Variants in SMPD3 observed in about 807,000 individuals in gnomAD.
SMPD3 encodes the protein nSMase-2.
Under a neutral mutation model 55.7 loss-of-function variants are expected in SMPD3, and 21 were observed. The observed-to-expected ratio is 0.38, with a 90% CI of 0.27 to 0.54. The LOEUF (loss-of-function observed/expected upper bound fraction) is 0.54, where lower values mean the gene tolerates loss of function less well. SMPD3 is among the 20% of genes least tolerant of loss of function. SMPD3 has a pLI of 0.80. For synonymous variants in SMPD3, 457 were observed against 404.3 expected (o/e 1.13, Z -1.56); for missense variants, 842 against 899.6 (o/e 0.94, Z 0.82).
chr16:68,428,059 A>G (rs1246947216), intron 1 of SMPD3, among the ~76,000 whole-genome samples: 1 of 151,668 alleles, frequency 6.6e-6, no homozygotes, highest in Non-Finnish European at 1.5e-5. Context: ...CCCATGAGCT[A>G]TGTCCACCTT....
Position 68,371,521 on chromosome 16 carries a change from C to A in SMPD3, c.661G>T (p.Gly221Cys), listed in dbSNP as rs747141024. ...GCTGGGCCGTTGGCAGCCTCGTCAC[C>A]GGGGTGCCGCCCACCGTCACCCTTG... ...EYKGDGGRHP[G>C]DEAANGPASG... is the part of the protein sequence containing the mutation. The change falls in exon 3 of 9, where the codon GGT becomes TGT. Residue 221 changes from glycine (G) to cysteine (C), a missense_variant. Physicochemically the swap from Gly to Cys is radical, Grantham distance 159 (BLOSUM62 -3). Coordinates refer to ENST00000219334, the MANE Select transcript of SMPD3 (RefSeq NM_018667.4). 8 of 1,600,168 alleles carry A rather than the reference C, an allele frequency of 5.0e-6. No homozygotes were observed. The Admixed American group carries it at 1.2e-4, about 23-fold the overall frequency.
At chr16:68,430,641 G>A (rs1297574773) in intron 1 of SMPD3, among the ~76,000 whole-genome samples, 7 of 152,048 alleles carry the variant, frequency 4.6e-5, no homozygotes. Flanking sequence ...CCCTCCCCCT[G>A]CCCCATCACC....
intron 1 of SMPD3, among the ~76,000 whole-genome samples, chr16:68,391,371 G>C (rs944165024): frequency 6.6e-6 from 1 of 152,184 alleles, no homozygotes; most frequent in South Asian, 2.1e-4. Context: ...TTGTGGACCT[G>C]ACATCCTTTC....
intron 2 of SMPD3, among the ~76,000 whole-genome samples, chr16:68,380,987 G>A (rs2089939295): frequency 6.6e-6 from 1 of 152,240 alleles, no homozygotes; most frequent in Non-Finnish European, 1.5e-5. Flanking sequence ...ACATTCTTCG[G>A]AAGGGAATCA....
At chr16:68,406,160 C>A (rs1320219104) in intron 1 of SMPD3, among the ~76,000 whole-genome samples, 1 of 152,146 alleles carries the variant, frequency 6.6e-6, no homozygotes, top group Non-Finnish European at 1.5e-5. Flanking sequence ...TACCCAGAAA[C>A]AATGAGGCGT....
chr16:68,399,348 C>T (rs754709940), intron 1 of SMPD3, among the ~76,000 whole-genome samples: 2 of 152,162 alleles, frequency 1.3e-5, no homozygotes, highest in Non-Finnish European at 2.9e-5. Flanking sequence ...ACCTTCTTAC[C>T]CCCACTGCCC....
chr16:68,392,835 G>GAAAA lies in SMPD3; in HGVS notation c.-268-6180_-268-6177dup, dbSNP rs60841057. On this transcript the variant is annotated intron_variant, in intron 1 of 8. Transcript: ENST00000219334. ...CGTGACAGAATGAGACGCTGTCTGG[G>GAAAA]AAAAAAAAAAAAAAAAAAAAGATGC... Among the ~76,000 whole-genome samples the GAAAA allele has an allele frequency of 8.8e-4, 78 of 88,260 alleles. 21 individuals carry two copies. The highest frequency in any genetic ancestry group is 1.3e-3 in the Admixed American group (9 of 6,686). The allele number at this position is 88,260 out of a possible 152,430, so 57.9% of individuals were successfully genotyped here.
In SMPD3 at chr16:68,371,611, G is replaced by C; in HGVS notation, c.571C>G (p.Gln191Glu). ...GCCCGGGCCACCCCATCGCCGCCCT[G>C]TGGTGACACCAGGCTGCTGAAGCTA... ...AASFSSLVSP[Q>E]GGDGVARAVP... The change falls in exon 3 of 9, where the codon CAG becomes GAG. Residue 191 changes from glutamine to glutamate, a missense_variant. Transcript: ENST00000219334. The C allele has an allele frequency of 6.4e-7, 1 of 1,567,976 alleles. No individual in the cohort carries two copies. The highest frequency in any genetic ancestry group is 8.6e-7 in the Non-Finnish European group (1 of 1,157,862).
chr16:68,434,901 T>C (rs1293013563), intron 1 of SMPD3, among the ~76,000 whole-genome samples: 2 of 152,172 alleles, frequency 1.3e-5, no homozygotes, highest in Non-Finnish European at 2.9e-5. Flanking sequence ...ATGTTGGTTT[T>C]TCTTTGTTTG....
At chr16:68,430,866 T>G (rs1397029159) in intron 1 of SMPD3, among the ~76,000 whole-genome samples, 1 of 152,198 alleles carries the variant, frequency 6.6e-6, no homozygotes, top group Admixed American at 6.5e-5. Flanking sequence ...TTCGAGAGCA[T>G]CATTTCCAGT....
intron 1 of SMPD3, among the ~76,000 whole-genome samples, chr16:68,431,427 AGAG>A (rs2090478621): frequency 1.3e-5 from 2 of 152,174 alleles, no homozygotes; most frequent in African/African-American, 2.4e-5. Flanking sequence ...TTCTTGAGTG[AGAG>A]GAGAAGGGAT....
At chr16:68,361,892 C>G (rs547538466) in intron 7 of SMPD3, 133 bp from the exon 8 acceptor site, 3 of 1,333,148 alleles carry the variant, frequency 2.3e-6, no homozygotes, top group East Asian at 2.5e-5. Context: ...GGTTTAAGAT[C>G]TCTCCCCTGC....
At chr16:68,390,830 A>G (rs1407878421) in intron 1 of SMPD3, among the ~76,000 whole-genome samples, 1 of 152,206 alleles carries the variant, frequency 6.6e-6, no homozygotes, top group Non-Finnish European at 1.5e-5. Context: ...ATGGTCAGGC[A>G]GCCTGTCTGC....
chr16:68,373,562 T>C (rs986200436), intron 2 of SMPD3, among the ~76,000 whole-genome samples: 1 of 152,020 alleles, frequency 6.6e-6, no homozygotes, highest in African/African-American at 2.4e-5. Flanking sequence ...CCCCACACCC[T>C]CTCCTCCTCC....
At chr16:68,385,546 C>CT (rs1211147594) in intron 2 of SMPD3, among the ~76,000 whole-genome samples, 1 of 152,160 alleles carries the variant, frequency 6.6e-6, no homozygotes, top group Non-Finnish European at 1.5e-5. Flanking sequence ...TCTATTTCCC[C>CT]TTTTTTTCTT....
Position 68,371,570 on chromosome 16 carries a change from A to T in SMPD3, c.612T>A (p.Ile204=). The change falls in exon 3 of 9, where the codon ATT becomes ATA. Residue 204 remains isoleucine, a synonymous_variant. Transcript: ENST00000219334. ...DGVARAVPGS[I]KRTASVEYKG... ...TGTACTCCACAGAGGCTGTCCTCTT[A>T]ATGCTCCCGGGGACGGCCCGGGCCA... The T allele has an allele frequency of 6.3e-7, 1 of 1,588,660 alleles. No homozygotes were observed. Among genetic ancestry groups the T allele is most frequent in the African/African-American group, 1.4e-5 (1 of 74,072 alleles).
In SMPD3 at chr16:68,370,856, T is replaced by C. The variant is rs1222225717; in HGVS notation, c.1323+3A>G. On this transcript the variant is annotated splice_donor_region_variant and intron_variant, in intron 3 of 8. Coordinates refer to ENST00000219334, the MANE Select transcript of SMPD3 (RefSeq NM_018667.4). Reference sequence around the variant, plus strand: ...GTCCTCAGGCTGGGCCGAGGTCTCCTACCTTGAGAAACAGAGCTCCCTTAG... The same window carrying C: ...GTCCTCAGGCTGGGCCGAGGTCTCCCACCTTGAGAAACAGAGCTCCCTTAG... 3 of 1,613,304 alleles carry C rather than the reference T, an allele frequency of 1.9e-6. No homozygotes were observed. The highest frequency in any genetic ancestry group is 2.5e-6 in the Non-Finnish European group (3 of 1,179,678).
At chr16:68,366,312 G>A (rs568519124) in intron 3 of SMPD3, among the ~76,000 whole-genome samples, 21 of 152,174 alleles carry the variant, frequency 1.4e-4, no homozygotes, top group East Asian at 9.7e-4. Flanking sequence ...CCATCTGGAC[G>A]TCCTCAGCAG....
intron 1 of SMPD3, among the ~76,000 whole-genome samples, chr16:68,417,538 G>T (rs997578757): frequency 2.6e-5 from 4 of 152,144 alleles, no homozygotes; most frequent in Non-Finnish European, 2.9e-5. Context: ...TTTGAACTTG[G>T]ACTTAGGAAA....
Sources: gnomAD v4.1 joint callset for allele counts (sites outside exome capture counted in the v4.1 genomes callset) on GRCh38, gnomAD v4.1.1 for gene constraint, MANE v1.5 for transcripts, NCBI Gene and HGNC (gene_info 2026-07-23, HGNC 2026-07-21) for gene names.